The following IPCEF1 variants were observed in gnomAD, a reference collection of about 807,000 sequenced individuals.
The protein encoded by IPCEF1 is interaction protein for cytohesin exchange factors 1, also known as interactor protein for cytohesin exchange factors 1.
IPCEF1 carries 31 observed loss-of-function variants against 50.9 expected under a neutral mutation model. The ratio of observed to expected loss-of-function variants is 0.61; its 90% confidence interval spans 0.46 to 0.82. IPCEF1 has a LOEUF of 0.82. IPCEF1 is among the 40% of genes least tolerant of loss of function. IPCEF1 has a pLI of 0.00. For missense variants in IPCEF1, 458 were observed against 514.0 expected (o/e 0.89, Z 1.05); for synonymous variants, 181 against 192.0 (o/e 0.94, Z 0.47).
intron 1 of IPCEF1, among the ~76,000 whole-genome samples, chr6:154,292,412 A>T (rs891755192): frequency 2.0e-5 from 3 of 152,216 alleles, no homozygotes; most frequent in Non-Finnish European, 4.4e-5. Flanking sequence ...AAATGCTTTG[A>T]TATGGATTAA....
intron 10 of IPCEF1, among the ~76,000 whole-genome samples, chr6:154,187,972 A>C (rs1289737577): frequency 6.6e-6 from 1 of 152,256 alleles, no homozygotes; most frequent in Non-Finnish European, 1.5e-5. Context: ...AAGCAACCAC[A>C]AAAATGCCCA....
chr6:154,213,979 C>G (rs548251503), intron 8 of IPCEF1, among the ~76,000 whole-genome samples: 194 of 152,328 alleles, frequency 1.3e-3, no homozygotes, highest in African/African-American at 4.5e-3. Flanking sequence ...ATGAAGCCCA[C>G]AGCTGCCGGA....
At chr6:154,342,509 C>T (rs534788695) in intron 1 of IPCEF1, among the ~76,000 whole-genome samples, 10 of 152,282 alleles carry the variant, frequency 6.6e-5, no homozygotes, top group African/African-American at 2.4e-4. Context: ...ACAGCCTTGA[C>T]TTTTGCGACT....
chr6:154,180,386 C>CTATATATATATA (rs58975780), intron 10 of IPCEF1, among the ~76,000 whole-genome samples: 10 of 88,318 alleles, frequency 1.1e-4, no homozygotes, highest in South Asian at 3.9e-4. Context: ...ACAACAACAA[C>CTATATATATATA]TATATATATA....
chr6:154,285,614 T>C (rs943173306), intron 2 of IPCEF1, among the ~76,000 whole-genome samples: 6 of 152,220 alleles, frequency 3.9e-5, no homozygotes, highest in Non-Finnish European at 8.8e-5. Flanking sequence ...TTTCAGCTAG[T>C]TCCTTTTTTG....
intron 9 of IPCEF1, among the ~76,000 whole-genome samples, chr6:154,208,412 A>T (rs1777682950): frequency 6.6e-6 from 1 of 152,042 alleles, no homozygotes; most frequent in African/African-American, 2.4e-5. Flanking sequence ...TGGCTCCTCT[A>T]TTCTTTGCCA....
intron 1 of IPCEF1, among the ~76,000 whole-genome samples, chr6:154,341,207 C>T (rs992515895): frequency 6.6e-6 from 1 of 152,164 alleles, no homozygotes; most frequent in Admixed American, 6.5e-5. Flanking sequence ...CAGGTTTGCC[C>T]TAAGCAGTTT....
At chr6:154,193,546 A>G (rs1399159895) in intron 10 of IPCEF1, among the ~76,000 whole-genome samples, 1 of 152,260 alleles carries the variant, frequency 6.6e-6, no homozygotes, top group Non-Finnish European at 1.5e-5. Flanking sequence ...ATCTGCATAT[A>G]CTTGTACTCT....
intron 3 of IPCEF1, among the ~76,000 whole-genome samples, chr6:154,251,054 A>G (rs554044262): frequency 6.6e-6 from 1 of 152,298 alleles, no homozygotes; most frequent in Admixed American, 6.5e-5. Flanking sequence ...TCCCAGAAAA[A>G]TAGACTCAAC....
At position 154,173,004 on chromosome 6, in the gene IPCEF1, G is replaced by T. The variant is rs148770767; in HGVS notation, c.911-4891C>A. Among the ~76,000 whole-genome samples the T allele has an allele frequency of 6.3e-3, 966 of 152,316 alleles. 13 individuals carry two copies. Among genetic ancestry groups the T allele is most frequent in the African/African-American group, 0.022 (935 of 41,568 alleles). ...CAATACTTGCTGTTCTGCAGCCTCC[G>T]CTGGTGATACCCAGGCAAACAGGGT... is the stretch of plus-strand genomic sequence containing the variant. On this transcript the variant is annotated intron_variant, in intron 10 of 11. Transcript: ENST00000367220.
chr6:154,355,922 G>T (rs1229758963), intron 1 of IPCEF1, among the ~76,000 whole-genome samples: 2 of 151,922 alleles, frequency 1.3e-5, no homozygotes, highest in African/African-American at 2.4e-5. Context: ...CAAAGTACTG[G>T]GATTACAGGT....
At chr6:154,337,650 G>A (rs938574480) in intron 1 of IPCEF1, among the ~76,000 whole-genome samples, 2 of 152,132 alleles carry the variant, frequency 1.3e-5, no homozygotes, top group Admixed American at 6.6e-5. Context: ...TCAAATTTCC[G>A]TTATTTGTGG....
intron 2 of IPCEF1, among the ~76,000 whole-genome samples, chr6:154,270,114 C>A (rs1428722498): frequency 6.6e-6 from 1 of 152,072 alleles, no homozygotes; most frequent in Admixed American, 6.6e-5. Context: ...TTTGATATAT[C>A]ATGAGAATGA....
intron 2 of IPCEF1, among the ~76,000 whole-genome samples, chr6:154,275,934 C>T (rs1305769359): frequency 6.6e-6 from 1 of 152,116 alleles, no homozygotes; most frequent in Non-Finnish European, 1.5e-5. Flanking sequence ...AATCCTAGCA[C>T]TTTGGGAGGC....
chr6:154,222,280 C>T (rs1382506852), intron 6 of IPCEF1, among the ~76,000 whole-genome samples: 1 of 152,200 alleles, frequency 6.6e-6, no homozygotes, highest in Non-Finnish European at 1.5e-5. Flanking sequence ...TGTAAATAGC[C>T]AATCCTTTTC....
chr6:154,267,272 T>C (rs555744420), intron 2 of IPCEF1, among the ~76,000 whole-genome samples: 149 of 152,092 alleles, frequency 9.8e-4, no homozygotes, highest in African/African-American at 3.4e-3. Context: ...AGCAAACTAA[T>C]AGAAGAACAA....
At chr6:154,227,649 C>G (rs537303855) in intron 5 of IPCEF1, among the ~76,000 whole-genome samples, 93 of 151,560 alleles carry the variant, frequency 6.1e-4, no homozygotes, top group African/African-American at 2.1e-3. Flanking sequence ...GCCCGGAGGT[C>G]GAGGCTGTCA....
intron 3 of IPCEF1, among the ~76,000 whole-genome samples, chr6:154,255,104 G>A (rs1781430520): frequency 6.6e-6 from 1 of 152,014 alleles, no homozygotes; most frequent in Non-Finnish European, 1.5e-5. Flanking sequence ...TATGATTTAA[G>A]TTATTATTTC....
At chr6:154,266,011 C>A in intron 2 of IPCEF1, 47 bp from the exon 3 acceptor site, 2 of 1,045,538 alleles carry the variant, frequency 1.9e-6, no homozygotes, top group South Asian at 1.4e-5. Flanking sequence ...TTAAAGTGTT[C>A]ATAAAAACAT....
Sources: allele counts gnomAD v4.1 joint callset (sites outside exome capture counted in the v4.1 genomes callset), GRCh38; gene constraint gnomAD v4.1.1; transcripts MANE v1.5; gene names NCBI Gene and HGNC (gene_info 2026-07-23, HGNC 2026-07-21).